The following RBFOX1 variants were observed in gnomAD, a reference collection of about 807,000 sequenced individuals.
RBFOX1 encodes RNA binding protein fox-1 homolog 1.
A neutral mutation model predicts 57.7 loss-of-function variants in RBFOX1; 8 were observed. The observed-to-expected ratio is 0.14, with a 90% CI of 0.08 to 0.25. RBFOX1 has a LOEUF of 0.25. Among genes scored for constraint, RBFOX1 ranks in the 10% least tolerant of loss-of-function variants. RBFOX1 has a pLI of 1.00. For missense variants in RBFOX1, 611 were observed against 548.5 expected (o/e 1.11, Z -1.14); for synonymous variants, 326 against 222.4 (o/e 1.47, Z -4.15).
At chr16:7,337,642 C>A (rs1427530496) in intron 4 of RBFOX1, among the ~76,000 whole-genome samples, 1 of 152,130 alleles carries the variant, frequency 6.6e-6, no homozygotes, top group Non-Finnish European at 1.5e-5. Context: ...TCTATACCAT[C>A]CATGACTCAC....
intron 3 of RBFOX1, among the ~76,000 whole-genome samples, chr16:6,838,250 C>T (rs960216587): frequency 2.6e-5 from 4 of 151,970 alleles, no homozygotes; most frequent in Admixed American, 6.6e-5. Flanking sequence ...CATTGTTCAT[C>T]TGCCACTTAA....
intron 3 of RBFOX1, among the ~76,000 whole-genome samples, chr16:5,807,729 T>C (rs1422471438): frequency 3.9e-5 from 6 of 152,132 alleles, no homozygotes; most frequent in Non-Finnish European, 7.3e-5. Flanking sequence ...TCACAAACTT[T>C]AACAGACTCA....
At chr16:7,705,838 A>C (rs576693018) in intron 14 of RBFOX1, among the ~76,000 whole-genome samples, 4 of 152,304 alleles carry the variant, frequency 2.6e-5, no homozygotes, top group African/African-American at 9.6e-5. Flanking sequence ...TGCATGGAGT[A>C]AAGTGGACAC....
intron 1 of RBFOX1, chr16:6,038,618 G>T (rs1052936142): frequency 2.7e-4 from 39 of 143,196 alleles, no homozygotes; most frequent in Non-Finnish European, 1.1e-4. Flanking sequence ...TCTCCATGGA[G>T]ATATATATAT....
At chr16:7,055,456 G>C (rs1041365071) in intron 4 of RBFOX1, among the ~76,000 whole-genome samples, 2 of 152,108 alleles carry the variant, frequency 1.3e-5, no homozygotes, top group Admixed American at 1.3e-4. Context: ...TGCTTCCGTT[G>C]GCCTTTCTTT....
chr16:6,912,102 T>G (rs2071775040), intron 3 of RBFOX1, among the ~76,000 whole-genome samples: 1 of 152,242 alleles, frequency 6.6e-6, no homozygotes, highest in African/African-American at 2.4e-5. Flanking sequence ...TTTAGCTCTA[T>G]CATTTATACT....
chr16:5,695,569 T>C (rs564123731), intron 3 of RBFOX1, among the ~76,000 whole-genome samples: 3 of 152,196 alleles, frequency 2.0e-5, no homozygotes, highest in Non-Finnish European at 4.4e-5. Flanking sequence ...AATCTTAGGA[T>C]TGCTAAAACT....
intron 3 of RBFOX1, 142 bp downstream of exon 3, chr16:6,654,792 T>A: frequency 3.5e-6 from 2 of 575,658 alleles, no homozygotes; most frequent in Non-Finnish European, 5.7e-6. Context: ...CAATCAGACT[T>A]AAAAATGCTT....
chr16:6,800,777 C>CA (rs1311198077), intron 3 of RBFOX1, among the ~76,000 whole-genome samples: 1 of 152,028 alleles, frequency 6.6e-6, no homozygotes, highest in Non-Finnish European at 1.5e-5. Flanking sequence ...CAGTAGATGA[C>CA]AAAGTAGCTT....
intron 4 of RBFOX1, among the ~76,000 whole-genome samples, chr16:7,125,256 C>A (rs1026706178): frequency 6.6e-6 from 1 of 152,090 alleles, no homozygotes; most frequent in African/African-American, 2.4e-5. Context: ...TTGGGGTTGT[C>A]GTTCAGCCTT....
intron 3 of RBFOX1, among the ~76,000 whole-genome samples, chr16:5,774,394 G>A (rs1364605066): frequency 3.9e-5 from 6 of 152,268 alleles, no homozygotes; most frequent in African/African-American, 1.2e-4. Flanking sequence ...TTAGTTTCAC[G>A]TAGATGATTT....
At chr16:7,401,360 C>A (rs768179359) in intron 4 of RBFOX1, among the ~76,000 whole-genome samples, 1 of 152,180 alleles carries the variant, frequency 6.6e-6, no homozygotes, top group African/African-American at 2.4e-5. Flanking sequence ...GAGTATTTAG[C>A]AGTTGTTCCA....
intron 1 of RBFOX1, among the ~76,000 whole-genome samples, chr16:5,241,331 G>A (rs994572621): frequency 2.0e-5 from 3 of 151,888 alleles, no homozygotes; most frequent in Admixed American, 2.0e-4. Flanking sequence ...TCTCTGGTAG[G>A]TTTTCCAGGG....
At chr16:6,953,509 C>G (rs547706096) in intron 3 of RBFOX1, among the ~76,000 whole-genome samples, 1 of 152,070 alleles carries the variant, frequency 6.6e-6, no homozygotes, top group African/African-American at 2.4e-5. Flanking sequence ...CTTCAGCCTC[C>G]CGAGTAGCTG....
intron 4 of RBFOX1, among the ~76,000 whole-genome samples, chr16:5,881,645 A>G (rs1276555183): frequency 6.6e-6 from 1 of 152,016 alleles, no homozygotes; most frequent in Non-Finnish European, 1.5e-5. Flanking sequence ...GTACCGCTGC[A>G]CTCCAGCCTG....
intron 11 of RBFOX1, among the ~76,000 whole-genome samples, chr16:7,633,398 A>G (rs574840030): frequency 2.0e-5 from 3 of 152,350 alleles, no homozygotes; most frequent in African/African-American, 7.2e-5. Flanking sequence ...TTACCTGCAC[A>G]TTATATGCCA....
At chr16:6,960,118 A>T (rs2082652036) in intron 3 of RBFOX1, among the ~76,000 whole-genome samples, 1 of 152,084 alleles carries the variant, frequency 6.6e-6, no homozygotes, top group African/African-American at 2.4e-5. Flanking sequence ...GGGTCTGAAG[A>T]AACTCCCCAG....
intron 3 of RBFOX1, among the ~76,000 whole-genome samples, chr16:6,829,022 A>T (rs2092470644): frequency 6.6e-6 from 1 of 152,006 alleles, no homozygotes; most frequent in Admixed American, 6.6e-5. Context: ...TCATCCTTGA[A>T]TTCCTTCTTG....
intron 1 of RBFOX1, among the ~76,000 whole-genome samples, chr16:5,251,756 A>C (rs1350812908): frequency 4.5e-4 from 4 of 8,820 alleles, no homozygotes; most frequent in African/African-American, 2.0e-3. Context: ...GATCTGGATG[A>C]TGGTTGTGTA....
Sources: gnomAD v4.1 joint callset for allele counts (sites outside exome capture counted in the v4.1 genomes callset) on GRCh38, gnomAD v4.1.1 for gene constraint, MANE v1.5 for transcripts, NCBI Gene and HGNC (gene_info 2026-07-23, HGNC 2026-07-21) for gene names.